The following BBX variants were observed in gnomAD, a reference collection of about 807,000 sequenced individuals.
BBX encodes HMG box transcription factor BBX.
Under a neutral mutation model 100.2 loss-of-function variants are expected in BBX, and 30 were observed. The ratio of observed to expected loss-of-function variants is 0.30; its 90% confidence interval spans 0.22 to 0.41. The LOEUF (loss-of-function observed/expected upper bound fraction) is 0.41, where lower values mean the gene tolerates loss of function less well. BBX is among the 10% of genes least tolerant of loss of function. The probability of loss-of-function intolerance (pLI) is 1.00; values close to 1 mark genes in which losing one functional copy is unlikely to be tolerated. For synonymous variants in BBX, 376 were observed against 388.1 expected (o/e 0.97, Z 0.37); for missense variants, 1,023 against 1,129.8 (o/e 0.91, Z 1.35).
At chr3:107,769,015 G>T (rs899866465) in intron 10 of BBX, among the ~76,000 whole-genome samples, 4 of 150,330 alleles carry the variant, frequency 2.7e-5, no homozygotes, top group East Asian at 2.0e-4. Context: ...GGCGGCGGGG[G>T]GGGGGAGCCG....
chr3:107,550,651 A>G (rs1208482390), intron 2 of BBX, among the ~76,000 whole-genome samples: 1 of 152,214 alleles, frequency 6.6e-6, no homozygotes, highest in African/African-American at 2.4e-5. Flanking sequence ...AGGGAAATGT[A>G]TCTTCTAAGT....
chr3:107,773,397 C>G lies in BBX; in HGVS notation c.1676C>G (p.Ser559Cys), dbSNP rs201203207. The G allele has an allele frequency of 6.2e-7, 1 of 1,614,108 alleles. No homozygotes were observed. Among genetic ancestry groups the G allele is most frequent in the East Asian group, 2.2e-5 (1 of 44,874 alleles). Residue 559 changes from serine to cysteine, a missense_variant, in exon 11 of 18, where the codon TCT becomes TGT. By Grantham distance (112) the Ser-to-Cys change is moderately radical. Around this residue, in one of 9 missense-constraint regions of BBX, gnomAD observed 348 missense variants for 353.2 expected, o/e 0.99. Coordinates refer to ENST00000325805, the MANE Select transcript of BBX (RefSeq NM_001142568.3). This position sits in a 1 kb window ranked among gnomAD's most constrained non-coding sequence, Gnocchi z 4.1. ...ESRPPDFISI[S>C]ASKNISGETP... ...AGACCTCCAGATTTCATTAGTATTT[C>G]TGCTAGCAAGAACATTTCTGGTGAG...
At chr3:107,593,728 CTG>C (rs1421573161) in intron 2 of BBX, among the ~76,000 whole-genome samples, 1 of 152,150 alleles carries the variant, frequency 6.6e-6, no homozygotes, top group African/African-American at 2.4e-5. Context: ...AATGGGCAAA[CTG>C]TGATTTCTCT....
intron 3 of BBX, among the ~76,000 whole-genome samples, chr3:107,672,520 C>T (rs2059072204): frequency 6.6e-6 from 1 of 151,942 alleles, no homozygotes; most frequent in African/African-American, 2.4e-5. Flanking sequence ...TCGCCAGTTC[C>T]TCAAGATAAC....
At chr3:107,669,219 A>T (rs1404508180) in intron 3 of BBX, among the ~76,000 whole-genome samples, 1 of 152,128 alleles carries the variant, frequency 6.6e-6, no homozygotes, top group Non-Finnish European at 1.5e-5. Flanking sequence ...AAGGCAGTTT[A>T]TGGCTCATGC....
intron 5 of BBX, among the ~76,000 whole-genome samples, chr3:107,723,090 T>C (rs2062656234): frequency 6.6e-6 from 1 of 152,052 alleles, no homozygotes; most frequent in South Asian, 2.1e-4. Flanking sequence ...TTCACAATTT[T>C]GGTAGATGAT....
chr3:107,613,510 A>C (rs2055005543), intron 2 of BBX, among the ~76,000 whole-genome samples: 1 of 151,862 alleles, frequency 6.6e-6, no homozygotes, highest in Non-Finnish European at 1.5e-5. Flanking sequence ...GTATGTGTGA[A>C]CTATACAGAA....
At chr3:107,531,247 C>A (rs2048139845) in intron 2 of BBX, among the ~76,000 whole-genome samples, 1 of 152,108 alleles carries the variant, frequency 6.6e-6, no homozygotes, top group South Asian at 2.1e-4. Flanking sequence ...TCCTCATCAC[C>A]CTCTGTAGGT....
At chr3:107,550,057 A>G (rs537641343) in intron 2 of BBX, among the ~76,000 whole-genome samples, 1 of 152,154 alleles carries the variant, frequency 6.6e-6, no homozygotes, top group East Asian at 1.9e-4. Context: ...TAATTTTTTC[A>G]GCATGTATTT....
At chr3:107,548,481 G>A (rs559863327) in intron 2 of BBX, among the ~76,000 whole-genome samples, 27 of 152,100 alleles carry the variant, frequency 1.8e-4, no homozygotes, top group Non-Finnish European at 3.7e-4. Context: ...GGAGATGTTT[G>A]GGAGATGTTT....
At chr3:107,527,527 T>G (rs1350880426) in intron 2 of BBX, among the ~76,000 whole-genome samples, 1 of 152,242 alleles carries the variant, frequency 6.6e-6, no homozygotes, top group African/African-American at 2.4e-5. Flanking sequence ...TAGTGTCCAT[T>G]TGGTAACAAA....
At position 107,810,575 on chromosome 3, in the gene BBX, T is replaced by A. The variant is rs1043525034; in HGVS notation, c.*5118T>A. The stretch of plus-strand genomic sequence containing the variant: ...TTTCATGCATTAACACTGATTTCGC[T>A]CTGTGGCCCACCAGAGGGGTGGGCT... On this transcript the variant is annotated 3_prime_UTR_variant, in exon 18 of 18. Transcript: ENST00000325805. 6.6e-6 allele frequency: 1 copy of A among 152,182 alleles called. No individual in the cohort carries two copies. The highest frequency in any genetic ancestry group is 1.5e-5 in the Non-Finnish European group (1 of 68,034). 9.4% of individuals were successfully genotyped at this position (152,182 alleles called of 1,614,324 possible).
At chr3:107,715,208 A>T (rs1316326595) in intron 4 of BBX, among the ~76,000 whole-genome samples, 1 of 152,216 alleles carries the variant, frequency 6.6e-6, no homozygotes, top group African/African-American at 2.4e-5. Flanking sequence ...GTTCTCAGAG[A>T]GTGATCCTCA....
intron 1 of BBX, among the ~76,000 whole-genome samples, chr3:107,523,945 G>T (rs1054995700): frequency 2.7e-5 from 4 of 149,496 alleles, no homozygotes; most frequent in Non-Finnish European, 1.5e-5. Context: ...GGGAGAGGGG[G>T]AAGAGGGCGA....
At chr3:107,731,325 A>G (rs547422543) in intron 6 of BBX, among the ~76,000 whole-genome samples, 1 of 152,308 alleles carries the variant, frequency 6.6e-6, no homozygotes, top group African/African-American at 2.4e-5. Flanking sequence ...TTAGAAAGCT[A>G]TCATCCAATC....
intron 5 of BBX, among the ~76,000 whole-genome samples, chr3:107,726,592 C>A (rs1029197231): frequency 2.6e-5 from 4 of 152,000 alleles, no homozygotes; most frequent in African/African-American, 9.7e-5. Context: ...TTCCATAAAA[C>A]CCCACGTATT....
intron 11 of BBX, among the ~76,000 whole-genome samples, chr3:107,774,121 G>A (rs2067129460): frequency 6.6e-6 from 1 of 152,120 alleles, no homozygotes; most frequent in Non-Finnish European, 1.5e-5. Context: ...CCAGCGCTTT[G>A]GGAGGCCAAG....
intron 2 of BBX, among the ~76,000 whole-genome samples, chr3:107,544,584 TAGA>T: frequency 6.6e-6 from 1 of 152,264 alleles, no homozygotes; most frequent in Middle Eastern, 3.4e-3. Context: ...ATAAATATAA[TAGA>T]AGCCTGGCAC....
At chr3:107,589,912 T>C (rs1014130283) in intron 2 of BBX, among the ~76,000 whole-genome samples, 4 of 152,220 alleles carry the variant, frequency 2.6e-5, no homozygotes, top group African/African-American at 9.6e-5. Flanking sequence ...TGAATTCTGA[T>C]TAGTTCTTTA....
Sources: gnomAD v4.1 joint callset for allele counts (sites outside exome capture counted in the v4.1 genomes callset) on GRCh38, gnomAD v4.1.1 for gene constraint, gnomAD v4.1.1 regional missense constraint, Gnocchi (gnomAD v3.1) non-coding constraint, MANE v1.5 for transcripts, NCBI Gene and HGNC (gene_info 2026-07-23, HGNC 2026-07-21) for gene names.